GRID2: variants seen among roughly 807,000 people sequenced by gnomAD.
The protein encoded by GRID2 is glutamate receptor ionotropic, delta-2.
In GRID2, 33 loss-of-function variants were observed where a neutral mutation model predicts 114.8. The ratio of observed to expected loss-of-function variants is 0.29; its 90% CI spans 0.22 to 0.38. The LOEUF (loss-of-function observed/expected upper bound fraction) is 0.38, where lower values mean the gene tolerates loss of function less well. GRID2 is among the 10% of genes least tolerant of loss of function. The probability of loss-of-function intolerance (pLI) is 1.00; values close to 1 mark genes in which losing one functional copy is unlikely to be tolerated. For missense variants in GRID2, 1,184 were observed against 1,257.7 expected (o/e 0.94, Z 0.89); for synonymous variants, 505 against 449.9 (o/e 1.12, Z -1.55).
chr4:92,676,170 C>CTT lies in GRID2; in HGVS notation c.244+85893_244+85894dup, dbSNP rs1248069337. Among the ~76,000 whole-genome samples the CTT allele has an allele frequency of 2.9e-3, 145 of 49,812 alleles. 4 individuals are homozygous for CTT. Among genetic ancestry groups the CTT allele is most frequent in the African/African-American group, 0.011 (143 of 12,970 alleles). 32.7% of individuals were successfully genotyped at this position (49,812 alleles called of 152,430 possible). A position where few individuals can be genotyped will look rare whatever the true frequency, so the allele number is the denominator to read the frequency against. On this transcript the variant is annotated intron_variant, in intron 2 of 15. Coordinates refer to ENST00000282020, the MANE Select transcript of GRID2 (RefSeq NM_001510.4). ...TGTCGTGTCAAGCCCCCCCCCCCCC[C>CTT]TTTTTTTTTTGTGGTTGTTTTTGTT... is the stretch of plus-strand genomic sequence containing the variant.
intron 8 of GRID2, among the ~76,000 whole-genome samples, chr4:93,277,544 A>C (rs556209906): frequency 6.6e-6 from 1 of 152,088 alleles, no homozygotes; most frequent in East Asian, 1.9e-4. Context: ...TGAAAACTTT[A>C]AAATAACTAT....
At chr4:92,587,896 C>A (rs975994824) in intron 1 of GRID2, among the ~76,000 whole-genome samples, 4 of 152,086 alleles carry the variant, frequency 2.6e-5, no homozygotes, top group Non-Finnish European at 5.9e-5. Flanking sequence ...TGCTATAAAA[C>A]AAGGTTGATA....
At chr4:92,349,370 A>G (rs1228840423) in intron 1 of GRID2, among the ~76,000 whole-genome samples, 1 of 151,918 alleles carries the variant, frequency 6.6e-6, no homozygotes, top group Non-Finnish European at 1.5e-5. Context: ...TGTCAAGTTA[A>G]TAATGCCAAT....
intron 2 of GRID2, among the ~76,000 whole-genome samples, chr4:93,061,193 C>CTT (rs1171293153): frequency 9.6e-6 from 1 of 104,070 alleles, no homozygotes; most frequent in Non-Finnish European, 2.0e-5. Context: ...TCAGGTTTTT[C>CTT]TTGTTTTTTT....
chr4:93,381,877 A>G (rs1763887163), intron 8 of GRID2, among the ~76,000 whole-genome samples: 1 of 152,086 alleles, frequency 6.6e-6, no homozygotes, highest in Non-Finnish European at 1.5e-5. Flanking sequence ...AAATTATTGT[A>G]TAGTGTATTT....
intron 2 of GRID2, among the ~76,000 whole-genome samples, chr4:92,600,106 T>A (rs1352510886): frequency 7.4e-6 from 1 of 135,584 alleles, no homozygotes; most frequent in Non-Finnish European, 1.6e-5. Context: ...GAATGTATTT[T>A]AGGGGAGGGT....
intron 8 of GRID2, among the ~76,000 whole-genome samples, chr4:93,280,373 A>G (rs1218587847): frequency 6.6e-6 from 1 of 152,044 alleles, no homozygotes; most frequent in Non-Finnish European, 1.5e-5. Context: ...ATACAAATAC[A>G]TGAGAAGTAC....
intron 1 of GRID2, among the ~76,000 whole-genome samples, chr4:92,372,412 G>A (rs1729159984): frequency 6.6e-6 from 1 of 152,122 alleles, no homozygotes; most frequent in Admixed American, 6.6e-5. Context: ...TCAGCAACGG[G>A]CACCCTGATC....
At position 93,435,464 on chromosome 4, in the gene GRID2, T is replaced by A. The variant is rs139863214; in HGVS notation, c.1545+12496T>A. Among the ~76,000 whole-genome samples, 805 of 152,334 alleles carry A rather than the reference T, an allele frequency of 5.3e-3. 5 individuals carry two copies. Among genetic ancestry groups the A allele is most frequent in the African/African-American group, 0.019 (774 of 41,574 alleles). On this transcript the variant is annotated intron_variant, in intron 10 of 15. Coordinates refer to ENST00000282020, the MANE Select transcript of GRID2 (RefSeq NM_001510.4). ...TTGTTATATTCAGCTACTCTCACTT[T>A]ACTTCAAGTTAATTGAGAATGGTAC...
chr4:92,447,447 G>C (rs1733527239), intron 1 of GRID2, among the ~76,000 whole-genome samples: 1 of 152,170 alleles, frequency 6.6e-6, no homozygotes, highest in African/African-American at 2.4e-5. Context: ...AGTCACACTA[G>C]AGTCCCTTTA....
chr4:92,792,637 G>T (rs944888190), intron 2 of GRID2, among the ~76,000 whole-genome samples: 3 of 151,902 alleles, frequency 2.0e-5, no homozygotes, highest in Non-Finnish European at 4.4e-5. Context: ...GTCTAAAAAT[G>T]TAATTGTTTG....
At chr4:93,093,276 C>T (rs2149331499) in intron 3 of GRID2, among the ~76,000 whole-genome samples, 2 of 152,138 alleles carry the variant, frequency 1.3e-5, no homozygotes, top group South Asian at 4.1e-4. Flanking sequence ...CTAATAGCTG[C>T]TTTTCAAAAT....
intron 1 of GRID2, among the ~76,000 whole-genome samples, chr4:92,386,097 C>A (rs566718632): frequency 6.1e-4 from 93 of 151,470 alleles, no homozygotes; most frequent in Non-Finnish European, 1.2e-3. Context: ...TTCAATGACA[C>A]CCTCCAGTTA....
At chr4:93,676,448 CT>C (rs1382988868) in intron 14 of GRID2, among the ~76,000 whole-genome samples, 1 of 152,086 alleles carries the variant, frequency 6.6e-6, no homozygotes. Flanking sequence ...AGTCCTGTGT[CT>C]TTATTGATGA....
At chr4:93,491,614 A>G (rs2149461130) in intron 12 of GRID2, among the ~76,000 whole-genome samples, 1 of 152,018 alleles carries the variant, frequency 6.6e-6, no homozygotes, top group South Asian at 2.1e-4. Context: ...CAAACAAGGT[A>G]AGTTTGAATT....
chr4:92,645,051 A>G lies in GRID2; in HGVS notation c.244+54765A>G, dbSNP rs1322614315. ...CTAACATAAACATAATTGCAATTATATCTCAAACTTAAACAAAAATATTCT... is the reference window on the plus strand; with the variant it reads ...CTAACATAAACATAATTGCAATTATGTCTCAAACTTAAACAAAAATATTCT... On this transcript the variant is annotated intron_variant, in intron 2 of 15. Coordinates refer to ENST00000282020, the MANE Select transcript of GRID2 (RefSeq NM_001510.4). 4.6e-5 allele frequency among the ~76,000 whole-genome samples: 7 copies of G among 151,748 alleles called. No homozygotes were observed. The East Asian group carries it at 9.7e-4, about 21-fold the overall frequency.
At chr4:93,520,028 G>A (rs953123987) in intron 13 of GRID2, among the ~76,000 whole-genome samples, 4 of 152,106 alleles carry the variant, frequency 2.6e-5, no homozygotes, top group African/African-American at 9.7e-5. Context: ...AACAATATGG[G>A]CCAGTGTCAT....
rs1433294847 is a variant in GRID2, at chr4:93,065,081, G to C, written c.245-19914G>C. 2.6e-5 allele frequency among the ~76,000 whole-genome samples: 4 copies of C among 151,906 alleles called. No homozygotes were observed. The South Asian group carries it at 8.3e-4, about 31-fold the overall frequency. ...ACAAAGTAAAAACGGGGGAAATATA[G>C]GGAGGAAAATGTGTTAAAATTTAAA... is the stretch of plus-strand genomic sequence containing the variant. On this transcript the variant is annotated intron_variant, in intron 2 of 15. Coordinates refer to ENST00000282020, the MANE Select transcript of GRID2 (RefSeq NM_001510.4).
intron 2 of GRID2, among the ~76,000 whole-genome samples, chr4:92,837,807 A>C (rs538500210): frequency 3.9e-5 from 6 of 152,106 alleles, no homozygotes; most frequent in Admixed American, 1.3e-4. Flanking sequence ...TACATGCTCT[A>C]TCATAAATTA....
Sources: allele counts gnomAD v4.1 joint callset (sites outside exome capture counted in the v4.1 genomes callset), GRCh38; gene constraint gnomAD v4.1.1; transcripts MANE v1.5; gene names NCBI Gene and HGNC (gene_info 2026-07-23, HGNC 2026-07-21).